The following RNASE9 variants were observed in gnomAD, a reference collection of about 807,000 sequenced individuals.
RNASE9 encodes the protein inactive ribonuclease-like protein 9.
For missense variants in RNASE9, 263 were observed against 247.1 expected, an observed-to-expected ratio of 1.06 and a Z score of -0.43; for synonymous variants, 95 against 87.6, an observed-to-expected ratio of 1.08 and a Z score of -0.47.
exon 3 of RNASE9, chr14:20,558,627 G>A (rs180688859): frequency 4.5e-6 from 7 of 1,541,686 alleles, no homozygotes; most frequent in African/African-American, 4.1e-5. Context: ...TCACAAGAAC[G>A]CGGAGCCTCT....
At chr14:20,558,694 G>T in intron 2 of RNASE9, 3 of 1,022,562 alleles carry the variant, frequency 2.9e-6, no homozygotes, top group Non-Finnish European at 4.5e-6. Context: ...GCAGAATTCA[G>T]GCAGCTGTGG....
At chr14:20,557,160 A>G (rs1883739301) in exon 3 of RNASE9, 2 of 1,361,806 alleles carry the variant, frequency 1.5e-6, no homozygotes, top group South Asian at 1.4e-5. Flanking sequence ...CAGTTATGCC[A>G]CATGTTGCTG....
exon 3 of RNASE9, chr14:20,558,037 T>C (rs1056814273): frequency 5.0e-6 from 1 of 201,862 alleles, no homozygotes; most frequent in Admixed American, 5.3e-5. Context: ...TATCTCTCTC[T>C]CTAGGCTGTC....
At chr14:20,558,740 G>C (rs1001572498) in intron 2 of RNASE9, 2 of 719,614 alleles carry the variant, frequency 2.8e-6, no homozygotes, top group Non-Finnish European at 5.1e-6. Flanking sequence ...CATGCACAGG[G>C]CCTGTCCAGA....
exon 3 of RNASE9, chr14:20,557,596 C>A (rs1883759562): frequency 6.5e-6 from 1 of 153,488 alleles, no homozygotes; most frequent in Admixed American, 6.5e-5. Context: ...CTTTCTTTCT[C>A]CTCTTGCCCT....
At chr14:20,556,205 C>T in exon 3 of RNASE9, 2 of 428,962 alleles carry the variant, frequency 4.7e-6, no homozygotes, top group Non-Finnish European at 8.3e-6. Context: ...GTCATCCTTC[C>T]ACTGCAGGCA....
At position 20,557,051 on chromosome 14, in the gene RNASE9, T is replaced by A. The variant is rs1449642177; in HGVS notation, c.19A>T (p.Thr7Ser). ...AGAAGCAGGGGCAGTGGGTGTGTGG[T>A]GATGAGAGTTCTCATCATTTTTCCT... The change falls in exon 3 of 3, where the codon ACC becomes TCC. Residue 7 changes from threonine (T) to serine (S), a missense_variant. Transcript: ENST00000555230. The A allele has an allele frequency of 1.2e-5, 19 of 1,608,730 alleles. No homozygotes were observed. The highest frequency in any genetic ancestry group is 1.6e-5 in the Non-Finnish European group (19 of 1,178,150).
chr14:20,558,117 G>T, exon 3 of RNASE9: 1 of 268,474 alleles, frequency 3.7e-6, no homozygotes, highest in South Asian at 4.8e-5. Context: ...TTGACAAATT[G>T]GTCCATGCTC....
At chr14:20,558,307 A>G (rs1883794824) in exon 3 of RNASE9, 1 of 596,772 alleles carries the variant, frequency 1.7e-6, no homozygotes, top group African/African-American at 1.9e-5. Context: ...GCTGGATACT[A>G]AGTTTGTATA....
At chr14:20,556,321 T>C in exon 3 of RNASE9, 1 of 687,226 alleles carries the variant, frequency 1.5e-6, no homozygotes, top group Non-Finnish European at 2.4e-6. Flanking sequence ...TTGTGAGGTG[T>C]TGGGAAAGGA....
chr14:20,558,442 T>A, exon 3 of RNASE9: 1 of 788,064 alleles, frequency 1.3e-6, no homozygotes, highest in Non-Finnish European at 2.2e-6. Context: ...AAAGAAAAAG[T>A]TGCCTAAAAT....
In RNASE9 at chr14:20,557,020, G is replaced by A. The variant is rs771000232; in HGVS notation, c.50C>T (p.Pro17Leu). The A allele has an allele frequency of 1.1e-5, 17 of 1,610,306 alleles. No individual in the cohort carries two copies. The highest frequency in any genetic ancestry group is 5.5e-5 in the South Asian group (5 of 91,014). Reference sequence around the variant, plus strand: ...CTGCACCAGCTGCAGCAGCTGCTGCGGCAATAGAAGCAGGGGCAGTGGGTG... The same window carrying A: ...CTGCACCAGCTGCAGCAGCTGCTGCAGCAATAGAAGCAGGGGCAGTGGGTG... The change falls in exon 3 of 3, where the codon CCG becomes CTG. Residue 17 changes from proline (P) to leucine (L), a missense_variant. Pro to Leu is a moderately conservative substitution (Grantham distance 98, BLOSUM62 -3). Coordinates refer to ENST00000555230, the Ensembl canonical transcript of RNASE9.
chr14:20,556,362 G>A, exon 3 of RNASE9: 1 of 1,003,544 alleles, frequency 1.0e-6, no homozygotes, highest in Non-Finnish European at 1.5e-6. Context: ...AAAGTGAATG[G>A]AAGCAAAATT....
exon 3 of RNASE9, chr14:20,558,225 G>T: frequency 2.2e-6 from 1 of 454,332 alleles, no homozygotes; most frequent in Non-Finnish European, 4.0e-6. Flanking sequence ...GGCAACCTGA[G>T]TGATTCTCTA....
chr14:20,556,628 A>T (rs1273747591), exon 3 of RNASE9: 1 of 1,613,300 alleles, frequency 6.2e-7, no homozygotes, highest in Non-Finnish European at 8.5e-7. Context: ...GGTATTTCAA[A>T]TGCTTCTGTT....
At chr14:20,556,737 C>T (rs1359871613) in exon 3 of RNASE9, 2 of 1,613,936 alleles carry the variant, frequency 1.2e-6, no homozygotes, top group East Asian at 2.2e-5. Context: ...TTTTTTGGAG[C>T]TCGTCATATT....
At chr14:20,557,496 C>A (rs17113250) in exon 3 of RNASE9, 6,199 of 159,850 alleles carry the variant, frequency 0.039, 422 homozygotes, top group African/African-American at 0.14. Flanking sequence ...TGCATCTTTT[C>A]CCTTTCCAGG....
intron 1 of RNASE9, chr14:20,560,219 A>T (rs1172617043): frequency 6.6e-6 from 1 of 152,130 alleles, no homozygotes; most frequent in East Asian, 1.9e-4. Flanking sequence ...GATTTGTTTG[A>T]ACACCTTATA....
chr14:20,558,422 A>C (rs1472481894), exon 3 of RNASE9: 1 of 731,216 alleles, frequency 1.4e-6, no homozygotes, highest in Admixed American at 2.0e-5. Flanking sequence ...AGTGCAGAGA[A>C]TGGGAAAGAA....
Sources: gnomAD v4.1 joint callset for allele counts on GRCh38, gnomAD v4.1.1 for gene constraint, MANE v1.5 for transcripts, NCBI Gene and HGNC (gene_info 2026-07-23, HGNC 2026-07-21) for gene names.